MLXIP: variants seen among roughly 807,000 people sequenced by gnomAD.
The protein encoded by MLXIP is MLX-interacting protein.
A neutral mutation model predicts 87.2 loss-of-function variants in MLXIP; 30 were observed. The observed-to-expected ratio is 0.34, with a 90% CI of 0.26 to 0.47. The LOEUF (loss-of-function observed/expected upper bound fraction) is 0.47, where lower values mean the gene tolerates loss of function less well. Ranked by LOEUF, MLXIP falls within the 20% of genes least tolerant of loss-of-function variation. MLXIP has a pLI of 1.00. For missense variants in MLXIP, 1,002 were observed against 1,240.1 expected, an observed-to-expected ratio of 0.81 and a Z score of 2.88; for synonymous variants, 530 against 514.0, an observed-to-expected ratio of 1.03 and a Z score of -0.42.
At position 122,086,185 on chromosome 12, in the gene MLXIP, T is replaced by C. The variant is rs1173805349; in HGVS notation, c.413+6919T>C. Among the ~76,000 whole-genome samples the C allele has an allele frequency of 3.9e-5, 6 of 152,266 alleles. No individual in the cohort carries two copies. In the East Asian group the frequency reaches 1.2e-3, roughly 29 times the overall value. On this transcript the variant is annotated intron_variant, in intron 1 of 16. Coordinates refer to ENST00000319080, the MANE Select transcript of MLXIP (RefSeq NM_014938.6). The stretch of plus-strand genomic sequence containing the variant: ...CTGGGAAGAACGCAGCCCTGCTGAA[T>C]CTTGTGAGACCCAAATCAGACCTCT...
chr12:122,119,422 C>T lies in MLXIP; in HGVS notation c.414-7834C>T, dbSNP rs943636967. On this transcript the variant is annotated intron_variant, in intron 1 of 16. Transcript: ENST00000319080. The stretch of plus-strand genomic sequence containing the variant: ...TTTGTTTTGTTTTTGAGATGAGCCT[C>T]GCTGTGTCGCCCAGGCTGGAGTGCA... 2.6e-5 allele frequency among the ~76,000 whole-genome samples: 4 copies of T among 152,064 alleles called. No individual in the cohort carries two copies. The South Asian group carries it at 6.2e-4, about 24-fold the overall frequency.
intron 7 of MLXIP, among the ~76,000 whole-genome samples, chr12:122,131,726 T>A (rs1952982563): frequency 1.3e-5 from 2 of 151,118 alleles, no homozygotes; most frequent in Non-Finnish European, 3.0e-5. Flanking sequence ...ACACCCAGCC[T>A]GTTTTAGTCT....
chr12:122,104,653 C>T (rs182290221), intron 1 of MLXIP, among the ~76,000 whole-genome samples: 4 of 143,948 alleles, frequency 2.8e-5, no homozygotes, highest in Admixed American at 1.5e-4. Flanking sequence ...GATCTTGGCT[C>T]ACTGCAACGT....
At chr12:122,136,459 C>CAGAAAA (rs1953093576) in intron 11 of MLXIP, 1 of 28,162 alleles carries the variant, frequency 3.6e-5, no homozygotes, top group African/African-American at 9.4e-5. Flanking sequence ...TCAAAAAATG[C>CAGAAAA]AAAAAAAAAA....
At chr12:122,113,319 G>C (rs1187967475) in intron 1 of MLXIP, among the ~76,000 whole-genome samples, 1 of 152,122 alleles carries the variant, frequency 6.6e-6, no homozygotes, top group Non-Finnish European at 1.5e-5. Flanking sequence ...GAGTACAGTG[G>C]TGAGTTCACA....
Position 122,078,886 on chromosome 12 carries a change from C to T in MLXIP, c.33C>T (p.Arg11=), listed in dbSNP as rs188800782. The change falls in exon 1 of 17, where the codon CGC becomes CGT. Residue 11 remains arginine (R), a synonymous_variant. Transcript: ENST00000319080. MAADVFMCSP[R]RPRSRGRQVL... ...CCGACGTCTTCATGTGCTCCCCGCG[C>T]CGGCCTCGCAGCCGGGGCCGCCAGG... The T allele has an allele frequency of 1.6e-3, 1,825 of 1,137,276 alleles. 29 individuals carry two copies. The African/African-American group carries it at 0.028, about 17-fold the overall frequency. 70.4% of individuals were successfully genotyped at this position (1,137,276 alleles called of 1,614,324 possible).
intron 14 of MLXIP, 26 bp from the exon 15 acceptor site, chr12:122,138,789 A>AG: frequency 6.2e-7 from 1 of 1,609,738 alleles, no homozygotes; most frequent in Non-Finnish European, 8.5e-7. Flanking sequence ...GCTGCTCCAC[A>AG]GCTCCCACGG....
At chr12:122,104,367 T>C (rs1952486225) in intron 1 of MLXIP, among the ~76,000 whole-genome samples, 1 of 152,172 alleles carries the variant, frequency 6.6e-6, no homozygotes, top group South Asian at 2.1e-4. Flanking sequence ...CCGTGTGTTT[T>C]GTATAAATAG....
intron 1 of MLXIP, among the ~76,000 whole-genome samples, chr12:122,111,240 G>GT (rs1007444578): frequency 6.6e-6 from 1 of 152,140 alleles, no homozygotes; most frequent in African/African-American, 2.4e-5. Context: ...TATCAAATTT[G>GT]TTTTTTGTCA....
chr12:122,132,479 A>G, intron 8 of MLXIP, 96 bp downstream of exon 8: 2 of 953,256 alleles, frequency 2.1e-6, no homozygotes, highest in South Asian at 2.8e-5. Context: ...TGGCATAGCC[A>G]CACAGTCACC....
intron 5 of MLXIP, 61 bp from the exon 6 acceptor site, chr12:122,129,880 G>T: frequency 6.4e-7 from 1 of 1,560,712 alleles, no homozygotes; most frequent in East Asian, 2.3e-5. Flanking sequence ...GACAGGCGTG[G>T]GAATTCTTCG....
At chr12:122,089,994 T>G (rs1347824761) in intron 1 of MLXIP, among the ~76,000 whole-genome samples, 1 of 152,160 alleles carries the variant, frequency 6.6e-6, no homozygotes, top group African/African-American at 2.4e-5. Flanking sequence ...CCTTAGCTCC[T>G]TAAGTCTTGG....
chr12:122,135,534 C>T lies in MLXIP; in HGVS notation c.1900C>T (p.Leu634Phe). 1 of 1,607,200 alleles carries T rather than the reference C, an allele frequency of 6.2e-7. No individual in the cohort carries two copies. Among genetic ancestry groups the T allele is most frequent in the Non-Finnish European group, 8.5e-7 (1 of 1,177,506 alleles). The change falls in exon 11 of 17, where the codon CTC becomes TTC. Residue 634 changes from leucine (L) to phenylalanine (F), a missense_variant. By Grantham distance (22) the Leu-to-Phe change is conservative (BLOSUM62 0). Transcript: ENST00000319080. The surrounding 1 kb of genome is among the most constrained non-coding windows in gnomAD (Gnocchi z 5.3). ...EFHSSILVTD[L>F]GHGTSSPPAP... ...CCACAGCAGCATCCTGGTGACAGAT[C>T]TCGGCCATGGCACGAGCAGCCCGCC...
Position 122,137,441 on chromosome 12 carries a change from GC to G in MLXIP, c.2033-24del. Reference sequence around the variant, plus strand: ...GGTGGCGTTGAGGGGCCAGGCCTCCGCCCCTCAGAGGAGTCTGTTCTTACCA... The same window carrying G: ...GGTGGCGTTGAGGGGCCAGGCCTCCGCCCTCAGAGGAGTCTGTTCTTACCA... On this transcript the variant is annotated intron_variant, in intron 11 of 16. Coordinates refer to ENST00000319080, the MANE Select transcript of MLXIP (RefSeq NM_014938.6). This position sits in a 1 kb window ranked among gnomAD's most constrained non-coding sequence, Gnocchi z 4.1. The G allele has an allele frequency of 6.3e-7, 1 of 1,599,314 alleles. No homozygotes were observed. The highest frequency in any genetic ancestry group is 8.5e-7 in the Non-Finnish European group (1 of 1,172,560).
In MLXIP at chr12:122,120,402, T is replaced by C. The variant is rs114046235; in HGVS notation, c.414-6854T>C. On this transcript the variant is annotated intron_variant, in intron 1 of 16. Coordinates refer to ENST00000319080, the MANE Select transcript of MLXIP (RefSeq NM_014938.6). ...CAAGCCCAGCTGATTTTCTGATTTTTTGTGGAGATGGTGGTCTCTCACTAC... is the reference window on the plus strand; with the variant it reads ...CAAGCCCAGCTGATTTTCTGATTTTCTGTGGAGATGGTGGTCTCTCACTAC... Among the ~76,000 whole-genome samples the C allele has an allele frequency of 3.7e-3, 561 of 152,178 alleles. 4 individuals are homozygous for C. Among genetic ancestry groups the C allele is most frequent in the African/African-American group, 0.013 (522 of 41,504 alleles).
intron 6 of MLXIP, 37 bp downstream of exon 6, chr12:122,130,149 G>A: frequency 1.9e-6 from 3 of 1,584,482 alleles, no homozygotes; most frequent in Non-Finnish European, 1.7e-6. Context: ...TGAACAGCCA[G>A]CCGCTTCCTT....
chr12:122,140,877 C>G, intron 15 of MLXIP, 77 bp from the exon 16 acceptor site: 1 of 1,609,044 alleles, frequency 6.2e-7, no homozygotes, highest in Non-Finnish European at 8.5e-7. Flanking sequence ...GAAAGGAGTA[C>G]GCCAGTCCAA....
chr12:122,135,579 T>G lies in MLXIP; in HGVS notation c.1945T>G (p.Phe649Val). Reference protein sequence around the residue: ...SSPPAPVSRLFPSTAQDPLGK... With the variant: ...SSPPAPVSRLVPSTAQDPLGK... ...CCCGCCTGCCCCCGTCTCCCGGCTC[T>G]TCCCAAGCACAGCGCAAGACCCCCT... The change falls in exon 11 of 17, where the codon TTC (phenylalanine) becomes GTC (valine). Residue 649 changes from phenylalanine (F) to valine (V), a missense_variant. Transcript: ENST00000319080. The surrounding 1 kb of genome is among the most constrained non-coding windows in gnomAD (Gnocchi z 5.3). 2.5e-6 allele frequency: 4 copies of G among 1,597,096 alleles called. No homozygotes were observed. The highest frequency in any genetic ancestry group is 3.4e-6 in the Non-Finnish European group (4 of 1,172,804).
intron 1 of MLXIP, among the ~76,000 whole-genome samples, chr12:122,096,403 C>A (rs1952352880): frequency 6.6e-6 from 1 of 151,828 alleles, no homozygotes; most frequent in African/African-American, 2.4e-5. Flanking sequence ...TTTTCATAGC[C>A]CTGGTTGGCT....
Sources: gnomAD v4.1 joint callset for allele counts (sites outside exome capture counted in the v4.1 genomes callset) on GRCh38, gnomAD v4.1.1 for gene constraint, Gnocchi (gnomAD v3.1) non-coding constraint, MANE v1.5 for transcripts, NCBI Gene and HGNC (gene_info 2026-07-23, HGNC 2026-07-21) for gene names.